SEPTIN7: variants seen among roughly 807,000 people sequenced by gnomAD.
SEPTIN7 encodes the protein septin 7, also known as septin-7.
In SEPTIN7, 10 loss-of-function variants were observed where a neutral mutation model predicts 63.3. That is an observed-to-expected ratio of 0.16 (90% CI 0.10 to 0.27). SEPTIN7 has a LOEUF of 0.27. SEPTIN7 is among the 10% of genes least tolerant of loss of function. The pLI, the probability that SEPTIN7 is intolerant of heterozygous loss-of-function variation, is 1.00. For missense variants in SEPTIN7, 310 were observed against 521.0 expected (o/e 0.59, Z 3.94); for synonymous variants, 131 against 165.3 (o/e 0.79, Z 1.59).
intron 3 of SEPTIN7, among the ~76,000 whole-genome samples, chr7:35,844,164 A>G (rs1404231034): frequency 6.6e-6 from 1 of 152,196 alleles, no homozygotes; most frequent in East Asian, 1.9e-4. Flanking sequence ...GATTACTTCT[A>G]CCCTCAAAGG....
intron 10 of SEPTIN7, among the ~76,000 whole-genome samples, chr7:35,889,306 A>C (rs547897838): frequency 6.6e-6 from 1 of 152,220 alleles, no homozygotes; most frequent in Non-Finnish European, 1.5e-5. Context: ...TATTGTGGCT[A>C]TAAGAGAACG....
At chr7:35,829,128 CTTTTTTT>C (rs71553032) in intron 1 of SEPTIN7, among the ~76,000 whole-genome samples, 34 of 61,068 alleles carry the variant, frequency 5.6e-4, no homozygotes, top group African/African-American at 1.5e-3. Flanking sequence ...CATGGACCTT[CTTTTTTT>C]TTTTTTTTTT....
intron 7 of SEPTIN7, among the ~76,000 whole-genome samples, chr7:35,881,593 G>A (rs1265314526): frequency 6.8e-6 from 1 of 147,776 alleles, no homozygotes; most frequent in Non-Finnish European, 1.5e-5. Context: ...GTTTACTTCT[G>A]TCTACTATAG....
intron 1 of SEPTIN7, among the ~76,000 whole-genome samples, chr7:35,815,899 T>C (rs1332755461): frequency 6.6e-6 from 1 of 152,178 alleles, no homozygotes; most frequent in East Asian, 1.9e-4. Flanking sequence ...TTTACCCTGT[T>C]CTCATTCTCC....
chr7:35,907,392 C>A (rs560363637), downstream of SEPTIN7, among the ~76,000 whole-genome samples: 2 of 152,268 alleles, frequency 1.3e-5, no homozygotes, highest in African/African-American at 4.8e-5. Flanking sequence ...TAAGTAGTTA[C>A]ATGTGTTATT....
chr7:35,853,313 C>T (rs1382940434), intron 3 of SEPTIN7, among the ~76,000 whole-genome samples: 2 of 152,128 alleles, frequency 1.3e-5, no homozygotes, highest in Admixed American at 1.3e-4. Context: ...GTAGTCTCAG[C>T]TACTCGGGAG....
At chr7:35,849,214 G>A (rs1402338010) in intron 3 of SEPTIN7, among the ~76,000 whole-genome samples, 2 of 152,122 alleles carry the variant, frequency 1.3e-5, no homozygotes, top group African/African-American at 2.4e-5. Context: ...ACATATGTAT[G>A]GAATGTATCT....
At position 35,904,255 on chromosome 7, in the gene SEPTIN7, AC is replaced by A; in HGVS notation, c.1278del (p.Leu427TrpfsTer22). 1 of 1,555,440 alleles carries A rather than the reference AC, an allele frequency of 6.4e-7. No homozygotes were observed. ...RILEQQNSSR[T>X]LEKNKKKGKI... ...GCTTATTTTCCTTTTATCCTTTAGA[AC>A]CTTGGAAAAGAACAAGAAGAAAGGG... is the stretch of plus-strand genomic sequence containing the variant. On this transcript the variant is annotated frameshift_variant and splice_region_variant, in exon 14 of 14. Transcript: ENST00000350320. LOFTEE classifies it high-confidence loss of function.
chr7:35,888,912 A>C (rs1787459346), intron 10 of SEPTIN7: 1 of 291,148 alleles, frequency 3.4e-6, no homozygotes, highest in Non-Finnish European at 7.0e-6. Context: ...TTCTCCACTT[A>C]GAGAAACTGG....
At chr7:35,814,711 C>T (rs781526469) in intron 1 of SEPTIN7, among the ~76,000 whole-genome samples, 4 of 151,808 alleles carry the variant, frequency 2.6e-5, no homozygotes, top group African/African-American at 4.8e-5. Context: ...TGTGGTGGCT[C>T]ATGCCTGTAA....
At chr7:35,848,953 A>G (rs1052761445) in intron 3 of SEPTIN7, among the ~76,000 whole-genome samples, 4 of 152,186 alleles carry the variant, frequency 2.6e-5, no homozygotes, top group African/African-American at 9.6e-5. Flanking sequence ...TGAATTGGCA[A>G]ATGAGGTAAT....
At chr7:35,845,480 T>C (rs1303949006) in intron 3 of SEPTIN7, among the ~76,000 whole-genome samples, 2 of 152,240 alleles carry the variant, frequency 1.3e-5, no homozygotes, top group Non-Finnish European at 2.9e-5. Context: ...ATGTGTGCTC[T>C]TTGTAATTCA....
chr7:35,825,235 A>G (rs1783439153), intron 1 of SEPTIN7, among the ~76,000 whole-genome samples: 1 of 152,138 alleles, frequency 6.6e-6, no homozygotes, highest in African/African-American at 2.4e-5. Flanking sequence ...GTTCTTCCTA[A>G]GCTTTCAAGA....
At chr7:35,868,781 T>G (rs1785970884) in intron 4 of SEPTIN7, among the ~76,000 whole-genome samples, 1 of 152,190 alleles carries the variant, frequency 6.6e-6, no homozygotes, top group Admixed American at 6.5e-5. Context: ...AAGATGAATC[T>G]AAAATGGAAA....
chr7:35,854,386 A>G (rs190897232), intron 3 of SEPTIN7, among the ~76,000 whole-genome samples: 244 of 152,358 alleles, frequency 1.6e-3, no homozygotes, highest in Non-Finnish European at 3.0e-3. Flanking sequence ...CCCAGGGGAC[A>G]TCTCTCAACG....
Position 35,882,477 on chromosome 7 carries a change from AT to A in SEPTIN7, c.631-3del, listed in dbSNP as rs1209708629. ...TGCTCTTTTGCTGACTACTTCTTCC[AT>A]TTTAGATAATGAAAGAAATCCAAGA... On this transcript the variant is annotated splice_region_variant and splice_polypyrimidine_tract_variant and intron_variant, in intron 7 of 13. Transcript: ENST00000350320. 1.2e-5 allele frequency: 18 copies of A among 1,454,582 alleles called. No homozygotes were observed. The highest frequency in any genetic ancestry group is 1.7e-5 in the Non-Finnish European group (18 of 1,088,262). The allele number at this position is 1,454,582 out of a possible 1,614,324, so 90.1% of individuals were successfully genotyped here.
chr7:35,915,573 C>T, the SEPTIN7 span, among the ~76,000 whole-genome samples: 10 of 152,158 alleles, frequency 6.6e-5, no homozygotes, highest in Non-Finnish European at 1.3e-4. Context: ...CCTGTTGCAC[C>T]GTTTTTCATC....
chr7:35,883,596 G>T (rs1268077694), intron 8 of SEPTIN7, among the ~76,000 whole-genome samples: 1 of 146,170 alleles, frequency 6.8e-6, no homozygotes, highest in African/African-American at 2.6e-5. Context: ...TCCCCCCCCA[G>T]GTATGGGACA....
intron 9 of SEPTIN7, among the ~76,000 whole-genome samples, chr7:35,885,444 C>G (rs1160048537): frequency 6.6e-6 from 1 of 151,984 alleles, no homozygotes; most frequent in Non-Finnish European, 1.5e-5. Context: ...CTCCCTTTTT[C>G]ATTTTGGTTA....
Sources: allele counts gnomAD v4.1 joint callset (sites outside exome capture counted in the v4.1 genomes callset), GRCh38; gene constraint gnomAD v4.1.1; transcripts MANE v1.5; gene names NCBI Gene and HGNC (gene_info 2026-07-23, HGNC 2026-07-21).